The following JKAMP variants were observed in gnomAD, a reference collection of about 807,000 sequenced individuals.
The protein encoded by JKAMP is JNK1/MAPK8-associated membrane protein.
JKAMP carries 20 observed loss-of-function variants against 40.2 expected under a neutral mutation model. The ratio of observed to expected loss-of-function variants is 0.50; its 90% CI spans 0.35 to 0.72. JKAMP has a LOEUF of 0.72. JKAMP is among the 30% of genes least tolerant of loss of function. The probability of loss-of-function intolerance (pLI) is 0.01; values close to 1 mark genes in which losing one functional copy is unlikely to be tolerated. For missense variants in JKAMP, 276 were observed against 373.0 expected (o/e 0.74, Z 2.14); for synonymous variants, 138 against 131.6 (o/e 1.05, Z -0.33).
At chr14:59,493,940 T>G (rs755058559) in intron 3 of JKAMP, among the ~76,000 whole-genome samples, 24 of 152,132 alleles carry the variant, frequency 1.6e-4, no homozygotes, top group Non-Finnish European at 2.9e-4. Context: ...GCAAATTAGT[T>G]GGGAAGGTAG....
At chr14:59,484,765 G>A (rs1890391800) in intron 1 of JKAMP, 172 bp downstream of exon 1, 5 of 971,460 alleles carry the variant, frequency 5.1e-6, no homozygotes, top group Admixed American at 2.7e-5. Context: ...GGTTGGGGTG[G>A]TCTGTCCGCA....
At chr14:59,490,859 A>G (rs991868772) in intron 3 of JKAMP, among the ~76,000 whole-genome samples, 4 of 152,232 alleles carry the variant, frequency 2.6e-5, no homozygotes, top group Admixed American at 2.6e-4. Context: ...AAGAGCTAAC[A>G]GGCATAGGTA....
At chr14:59,492,687 G>A (rs1037491857) in intron 3 of JKAMP, among the ~76,000 whole-genome samples, 9 of 152,100 alleles carry the variant, frequency 5.9e-5, no homozygotes, top group Non-Finnish European at 2.9e-5. Context: ...GAGCTAGAGA[G>A]TTACCTGAAG....
chr14:59,488,638 G>C (rs778669841), intron 3 of JKAMP, among the ~76,000 whole-genome samples: 14 of 152,114 alleles, frequency 9.2e-5, no homozygotes, highest in Non-Finnish European at 1.6e-4. Context: ...AGAATGTGAA[G>C]GTTCTTGATA....
intron 3 of JKAMP, among the ~76,000 whole-genome samples, chr14:59,494,582 C>A (rs1445180480): frequency 6.6e-6 from 1 of 152,124 alleles, no homozygotes; most frequent in Non-Finnish European, 1.5e-5. Flanking sequence ...ACATGGTTGC[C>A]TCTAAGGGAG....
intron 6 of JKAMP, 80 bp downstream of exon 6, chr14:59,501,347 A>G: frequency 1.2e-6 from 1 of 838,300 alleles, no homozygotes; most frequent in Non-Finnish European, 1.9e-6. Flanking sequence ...ATATGATATG[A>G]TATAGTACAA....
At chr14:59,502,773 T>TTTTTGTTTTTTTTTTTTTTTTTTG (rs796697193) in intron 6 of JKAMP, among the ~76,000 whole-genome samples, 1 of 102,836 alleles carries the variant, frequency 9.7e-6, no homozygotes, top group African/African-American at 3.9e-5. Context: ...TTTTTTTTTT[T>TTTTTGTTTTTTTTTTTTTTTTTTG]CGGAGTCTCA....
chr14:59,494,122 G>T (rs1255137770), intron 3 of JKAMP, among the ~76,000 whole-genome samples: 4 of 36,696 alleles, frequency 1.1e-4, no homozygotes, highest in Non-Finnish European at 1.9e-4. Flanking sequence ...GAAAATTTGG[G>T]TGTGTGTGTG....
chr14:59,503,812 T>A, intron 6 of JKAMP, 42 bp from the exon 7 acceptor site: 1 of 1,237,218 alleles, frequency 8.1e-7, no homozygotes, highest in Non-Finnish European at 1.2e-6. Context: ...CTTAGCCTGA[T>A]AATCTGTATT....
chr14:59,488,751 T>C (rs938417138), intron 3 of JKAMP, among the ~76,000 whole-genome samples: 1 of 152,238 alleles, frequency 6.6e-6, no homozygotes, highest in Non-Finnish European at 1.5e-5. Context: ...CTTTAGGTTC[T>C]TTCCCTTCCT....
rs1292127689 is a variant in JKAMP at position 59,501,769 on chromosome 14, T to G, written c.717+502T>G. 2.6e-5 allele frequency among the ~76,000 whole-genome samples: 4 copies of G among 152,200 alleles called. No homozygotes were observed. The East Asian group carries it at 7.7e-4, about 29-fold the overall frequency. On this transcript the variant is annotated intron_variant, in intron 6 of 6. Coordinates refer to ENST00000616435, the MANE Select transcript of JKAMP (RefSeq NM_016475.5). ...TGTTTGGGGGATTTGGAGCTAACAT[T>G]AATAGCCACATTATTCTGATACTGT...
At chr14:59,502,222 G>T (rs1358658723) in intron 6 of JKAMP, among the ~76,000 whole-genome samples, 6 of 151,966 alleles carry the variant, frequency 3.9e-5, no homozygotes, top group African/African-American at 7.2e-5. Flanking sequence ...TTAAATGATT[G>T]CTTTTAAATA....
At position 59,498,733 on chromosome 14, in the gene JKAMP, C is replaced by T. The variant is rs755234784; in HGVS notation, c.465C>T (p.Thr155=). 12 of 1,480,934 alleles carry T rather than the reference C, an allele frequency of 8.1e-6. No individual in the cohort carries two copies. In the African/African-American group the frequency reaches 1.4e-4, roughly 17 times the overall value. The allele number at this position is 1,480,934 out of a possible 1,614,324, so 91.7% of individuals were successfully genotyped here. ...TCTTTATTTTATTTTACAGATATAC[C>T]ATTGTATTTATCTATTACGCATTCT... The part of the protein sequence containing the change: ...CTHEAVYPLY[T]IVFIYYAFCL... The change falls in exon 5 of 7, where the codon ACC becomes ACT. Residue 155 remains threonine (T), a synonymous_variant. Coordinates refer to ENST00000616435, the MANE Select transcript of JKAMP (RefSeq NM_016475.5).
intron 3 of JKAMP, among the ~76,000 whole-genome samples, chr14:59,494,710 C>T (rs1253115): frequency 0.028 from 4,220 of 152,140 alleles, 192 homozygotes; most frequent in African/African-American, 0.096. Flanking sequence ...CTAACAAACA[C>T]GTTACATACC....
At chr14:59,485,237 GC>G in intron 1 of JKAMP, 1 of 1,066,402 alleles carries the variant, frequency 9.4e-7, no homozygotes, top group Non-Finnish European at 1.3e-6. Flanking sequence ...TAGATGTAAA[GC>G]CCATACAGAA....
intron 4 of JKAMP, among the ~76,000 whole-genome samples, chr14:59,495,722 T>C (rs1388037352): frequency 2.0e-5 from 3 of 152,182 alleles, no homozygotes; most frequent in African/African-American, 7.2e-5. Flanking sequence ...AAAGGGAAAA[T>C]AGAAGTCTGG....
In JKAMP at chr14:59,504,995, A is replaced by AAGACT; in HGVS notation, c.*924_*928dup. The AAGACT allele has an allele frequency of 3.2e-6, 1 of 312,300 alleles. No individual in the cohort carries two copies. The highest frequency in any genetic ancestry group is 5.4e-5 in the East Asian group (1 of 18,602). The allele number at this position is 312,300 out of a possible 1,614,324, so 19.3% of individuals were successfully genotyped here. On this transcript the variant is annotated 3_prime_UTR_variant, in exon 7 of 7. Transcript: ENST00000616435. ...GTGATGTTTATGCTTTGAAGGCCTT[A>AAGACT]AGACTCATGGTTGCAACCATGGAAG...
chr14:59,491,908 C>T (rs1443618327), intron 3 of JKAMP, among the ~76,000 whole-genome samples: 1 of 152,192 alleles, frequency 6.6e-6, no homozygotes, highest in East Asian at 1.9e-4. Flanking sequence ...TAGTAGTGGC[C>T]ATGGCTGCTG....
intron 2 of JKAMP, 53 bp downstream of exon 2, chr14:59,486,857 A>T: frequency 8.3e-7 from 1 of 1,205,010 alleles, no homozygotes; most frequent in Non-Finnish European, 1.2e-6. Context: ...TTTGCTTTTG[A>T]AATATTTTCA....
Sources: allele counts gnomAD v4.1 joint callset (sites outside exome capture counted in the v4.1 genomes callset), GRCh38; gene constraint gnomAD v4.1.1; transcripts MANE v1.5; gene names NCBI Gene and HGNC (gene_info 2026-07-23, HGNC 2026-07-21).